The following MCUB variants were observed in gnomAD, a reference collection of about 807,000 sequenced individuals.
MCUB encodes mitochondrial calcium uniporter dominant negative subunit beta.
Under a neutral mutation model 41.4 loss-of-function variants are expected in MCUB, and 46 were observed. The observed-to-expected ratio is 1.11, with a 90% CI of 0.88 to 1.42. MCUB has a LOEUF of 1.42. MCUB is among the 40% of genes most tolerant of loss of function. The probability of loss-of-function intolerance (pLI) is 0.00; values close to 1 mark genes in which losing one functional copy is unlikely to be tolerated. For missense variants in MCUB, 403 were observed against 404.9 expected (o/e 1.00, Z 0.04); for synonymous variants, 148 against 148.2 (o/e 1.00, Z 0.01).
At chr4:109,606,318 T>C (rs1464983875) in intron 1 of MCUB, among the ~76,000 whole-genome samples, 3 of 152,096 alleles carry the variant, frequency 2.0e-5, no homozygotes, top group African/African-American at 7.2e-5. Context: ...ACTCTCTGTC[T>C]TCTGATTGAA....
chr4:109,571,303 CTTTATTTA>C (rs34814494), intron 1 of MCUB, among the ~76,000 whole-genome samples: 18 of 151,132 alleles, frequency 1.2e-4, no homozygotes, highest in African/African-American at 2.2e-4. Flanking sequence ...AATGATTAAA[CTTTATTTA>C]TTTATTTATT....
chr4:109,643,151 A>G (rs926188215), intron 1 of MCUB, among the ~76,000 whole-genome samples: 9 of 151,908 alleles, frequency 5.9e-5, no homozygotes, highest in African/African-American at 2.2e-4. Context: ...CATCCAAGAG[A>G]AAAAATATTA....
At chr4:109,687,239 G>A (rs986880784) in intron 7 of MCUB, among the ~76,000 whole-genome samples, 1 of 151,924 alleles carries the variant, frequency 6.6e-6, no homozygotes, top group Non-Finnish European at 1.5e-5. Flanking sequence ...GGCACCTGTG[G>A]TCCTAGCTAC....
chr4:109,684,821 A>C lies in MCUB; in HGVS notation c.816+175A>C, dbSNP rs540871360. The C allele has an allele frequency of 1.1e-3, 597 of 526,518 alleles. 1 individual carries two copies. The highest frequency in any genetic ancestry group is 1.6e-3 in the Non-Finnish European group (483 of 300,844). The allele number at this position is 526,518 out of a possible 1,614,324, so 32.6% of individuals were successfully genotyped here. A position where few individuals can be genotyped will look rare whatever the true frequency, so the allele number is the denominator to read the frequency against. On this transcript the variant is annotated intron_variant, in intron 6 of 7. Coordinates refer to ENST00000394650, the MANE Select transcript of MCUB (RefSeq NM_017918.5). ...TGAATGAAGACTCACAACACAGAGA[A>C]ATTATATATAACTTCTTTGGAGAAG...
At chr4:109,567,706 T>G (rs1726815156) in intron 1 of MCUB, among the ~76,000 whole-genome samples, 1 of 151,104 alleles carries the variant, frequency 6.6e-6, no homozygotes, top group Non-Finnish European at 1.5e-5. Flanking sequence ...GCTTTTTATT[T>G]TATTTATTTT....
At chr4:109,644,691 A>G (rs1030989465) in intron 1 of MCUB, among the ~76,000 whole-genome samples, 1 of 152,208 alleles carries the variant, frequency 6.6e-6, no homozygotes. Flanking sequence ...TACAGTTAAC[A>G]TTGATGTATA....
At chr4:109,567,679 G>A (rs910126599) in intron 1 of MCUB, among the ~76,000 whole-genome samples, 3 of 151,958 alleles carry the variant, frequency 2.0e-5, no homozygotes, top group African/African-American at 7.2e-5. Context: ...GTGGCTGAAT[G>A]GGATATTTGA....
Position 109,664,405 on chromosome 4 carries a change from C to A in MCUB, c.451+11C>A. On this transcript the variant is annotated intron_variant, in intron 4 of 7. Transcript: ENST00000394650. Reference sequence around the variant, plus strand: ...AGTGTCCAAAGAGAGGTAAGAAACACAGCTATCCAACTATTACTTTTTTTT... The same window carrying A: ...AGTGTCCAAAGAGAGGTAAGAAACAAAGCTATCCAACTATTACTTTTTTTT... The A allele has an allele frequency of 1.8e-5, 18 of 995,600 alleles. No individual in the cohort carries two copies. Among genetic ancestry groups the A allele is most frequent in the African/African-American group, 3.3e-5 (2 of 60,370 alleles). The allele number at this position is 995,600 out of a possible 1,614,324, so 61.7% of individuals were successfully genotyped here. A position where few individuals can be genotyped will look rare whatever the true frequency, so the allele number is the denominator to read the frequency against.
rs753669362 is a variant in MCUB at position 109,560,312 on chromosome 4, G to A, written c.-26G>A. On this transcript the variant is annotated 5_prime_UTR_variant, in exon 1 of 8. Transcript: ENST00000394650. Reference sequence around the variant, plus strand: ...GGGAGGATGCGCCGCTGACGCCTGCGGGAGCCGCGCGCCTGGGGCGGGAGG... The same window carrying A: ...GGGAGGATGCGCCGCTGACGCCTGCAGGAGCCGCGCGCCTGGGGCGGGAGG... 1.1e-5 allele frequency: 13 copies of A among 1,188,150 alleles called. No individual in the cohort carries two copies. In the South Asian group the frequency reaches 4.5e-4, roughly 41 times the overall value. The allele number at this position is 1,188,150 out of a possible 1,614,324, so 73.6% of individuals were successfully genotyped here.
chr4:109,564,643 A>G (rs1408563005), intron 1 of MCUB, among the ~76,000 whole-genome samples: 3 of 152,212 alleles, frequency 2.0e-5, no homozygotes, highest in Non-Finnish European at 4.4e-5. Context: ...CTGATCTACA[A>G]TACTTGTAGT....
At chr4:109,627,987 A>G (rs968793151) in intron 1 of MCUB, among the ~76,000 whole-genome samples, 3 of 151,884 alleles carry the variant, frequency 2.0e-5, no homozygotes, top group African/African-American at 4.9e-5. Context: ...AAAAGGGAAC[A>G]TATAACATAT....
chr4:109,656,504 GTAGCCAGGACTACAGGCA>G (rs1729107127), intron 1 of MCUB, among the ~76,000 whole-genome samples: 1 of 150,870 alleles, frequency 6.6e-6, no homozygotes, highest in Non-Finnish European at 1.5e-5. Context: ...AGCCTCCCAA[GTAGCCAGGACTACAGGCA>G]TGTGCCACCA....
chr4:109,682,075 CTGGT>C (rs33914264), intron 4 of MCUB, among the ~76,000 whole-genome samples: 100,244 of 151,460 alleles, frequency 0.66, 33,307 homozygotes, highest in South Asian at 0.74. Context: ...AGTGAGTTCT[CTGGT>C]TGGGTGTGAG....
At chr4:109,660,168 A>ATTTTTTTTTTT in intron 2 of MCUB, 27 bp from the exon 3 acceptor site, 4 of 1,126,334 alleles carry the variant, frequency 3.6e-6, no homozygotes, top group South Asian at 3.1e-5. Context: ...AAATTTACTC[A>ATTTTTTTTTTT]TTTTTTTTTC....
At chr4:109,575,299 T>G (rs1293589139) in intron 1 of MCUB, among the ~76,000 whole-genome samples, 1 of 152,240 alleles carries the variant, frequency 6.6e-6, no homozygotes, top group Non-Finnish European at 1.5e-5. Context: ...GTGTAATAAC[T>G]ATTTAGTGAG....
chr4:109,610,807 A>T (rs541999460), intron 1 of MCUB, among the ~76,000 whole-genome samples: 16 of 152,308 alleles, frequency 1.1e-4, no homozygotes, highest in Admixed American at 1.0e-3. Context: ...ACAGTATCTT[A>T]CTATATTGAA....
chr4:109,661,819 G>A (rs898360912), intron 3 of MCUB, among the ~76,000 whole-genome samples: 4 of 152,126 alleles, frequency 2.6e-5, no homozygotes, highest in Non-Finnish European at 5.9e-5. Context: ...GATCACCTGA[G>A]GTCAGGGGTT....
chr4:109,589,858 C>T (rs1048201261), intron 1 of MCUB, among the ~76,000 whole-genome samples: 1 of 152,216 alleles, frequency 6.6e-6, no homozygotes, highest in African/African-American at 2.4e-5. Context: ...CCTGACCATG[C>T]AGGAATCCTC....
chr4:109,651,329 G>A lies in MCUB; in HGVS notation c.100-7682G>A, dbSNP rs544414408. Among the ~76,000 whole-genome samples, 5 of 152,220 alleles carry A rather than the reference G, an allele frequency of 3.3e-5. No individual in the cohort carries two copies. The South Asian group carries it at 1.0e-3, about 32-fold the overall frequency. On this transcript the variant is annotated intron_variant, in intron 1 of 7. Transcript: ENST00000394650. ...TCCATCATCCATTGAGCACTTCCTT[G>A]CTTTCTAGTACAGCAAGATGCTCTA...
Sources: allele counts gnomAD v4.1 joint callset (sites outside exome capture counted in the v4.1 genomes callset), GRCh38; gene constraint gnomAD v4.1.1; transcripts MANE v1.5; gene names NCBI Gene and HGNC (gene_info 2026-07-23, HGNC 2026-07-21).